Variants in WWOX observed in about 807,000 individuals in gnomAD.
The protein encoded by WWOX is WW domain containing oxidoreductase, also known as WW domain-containing oxidoreductase.
Under a neutral mutation model 46.2 loss-of-function variants are expected in WWOX, and 69 were observed. That is an observed-to-expected ratio of 1.49 (90% CI 1.23 to 1.82). The LOEUF (loss-of-function observed/expected upper bound fraction) is 1.82. Among genes scored for constraint, WWOX ranks in the 40% most tolerant of loss-of-function variants. The pLI is 0.00. For synonymous variants in WWOX, 359 were observed against 202.6 expected, an observed-to-expected ratio of 1.77 and a Z score of -6.56; for missense variants, 919 against 542.6, an observed-to-expected ratio of 1.69 and a Z score of -6.89.
chr16:79,204,061 C>G (rs931132234), intron 8 of WWOX: 1 of 152,122 alleles, frequency 6.6e-6, no homozygotes, highest in African/African-American at 2.4e-5. Flanking sequence ...ACGACACTAT[C>G]AGTTAGATGC....
chr16:78,311,203 G>T (rs1044306563), intron 5 of WWOX, among the ~76,000 whole-genome samples: 7 of 152,152 alleles, frequency 4.6e-5, no homozygotes, highest in Non-Finnish European at 8.8e-5. Flanking sequence ...TGTCTAGGTG[G>T]CACAGTGTGG....
intron 8 of WWOX, among the ~76,000 whole-genome samples, chr16:78,934,960 T>TA (rs2045705355): frequency 6.6e-6 from 1 of 152,060 alleles, no homozygotes; most frequent in African/African-American, 2.4e-5. Flanking sequence ...ATTAGACACT[T>TA]TTCAAAAGAA....
rs147673606 is a variant in WWOX, at chr16:78,402,073, T to G, written c.605+15125T>G. Among the ~76,000 whole-genome samples the G allele has an allele frequency of 3.0e-3, 456 of 152,340 alleles. 2 individuals are homozygous for G. The highest frequency in any genetic ancestry group is 0.01 in the African/African-American group (428 of 41,578). ...CAAAGTTACGTTACCATTACCACTTTTGAATTGCAGAACAATTTCATCACT... is the reference window on the plus strand; with the variant it reads ...CAAAGTTACGTTACCATTACCACTTGTGAATTGCAGAACAATTTCATCACT... On this transcript the variant is annotated intron_variant, in intron 6 of 8. Transcript: ENST00000566780.
intron 8 of WWOX, among the ~76,000 whole-genome samples, chr16:79,044,375 A>G (rs576069641): frequency 6.6e-6 from 1 of 152,136 alleles, no homozygotes; most frequent in African/African-American, 2.4e-5. Flanking sequence ...TGATTGGGTC[A>G]TGGGGGTGGA....
chr16:78,170,942 G>T (rs1414345936), intron 5 of WWOX, among the ~76,000 whole-genome samples: 2 of 152,248 alleles, frequency 1.3e-5, no homozygotes, highest in Non-Finnish European at 2.9e-5. Context: ...TGCTGCTGAA[G>T]TGCTGTAATG....
chr16:78,452,878 T>TATATATATAC (rs752791786), intron 8 of WWOX, among the ~76,000 whole-genome samples: 1 of 143,020 alleles, frequency 7.0e-6, no homozygotes, highest in Non-Finnish European at 1.5e-5. Context: ...TATATATATA[T>TATATATATAC]ATACATATTT....
intron 5 of WWOX, among the ~76,000 whole-genome samples, chr16:78,374,749 A>C (rs948243034): frequency 5.9e-5 from 9 of 151,620 alleles, no homozygotes; most frequent in Non-Finnish European, 1.2e-4. Context: ...ATGGGGTTTC[A>C]CCGTGTTAGC....
At chr16:78,849,429 C>G (rs368268312) in intron 8 of WWOX, among the ~76,000 whole-genome samples, 1 of 151,800 alleles carries the variant, frequency 6.6e-6, no homozygotes, top group East Asian at 1.9e-4. Context: ...AAAAAATTAG[C>G]CAGGCCTGGT....
chr16:79,096,956 G>A (rs1410018702), intron 8 of WWOX, among the ~76,000 whole-genome samples: 1 of 152,050 alleles, frequency 6.6e-6, no homozygotes. Flanking sequence ...TTGGGGAGGG[G>A]GCCAGGAAGA....
At chr16:78,838,792 C>G (rs980024257) in intron 8 of WWOX, among the ~76,000 whole-genome samples, 1 of 152,068 alleles carries the variant, frequency 6.6e-6, no homozygotes, top group Non-Finnish European at 1.5e-5. Context: ...GCAGTGAGCC[C>G]AGATCGTGCC....
intron 8 of WWOX, among the ~76,000 whole-genome samples, chr16:78,804,082 C>A (rs146844683): frequency 3.5e-4 from 53 of 152,286 alleles, no homozygotes; most frequent in African/African-American, 1.1e-3. Context: ...TCATTCCCAA[C>A]CAAGTTTGAC....
chr16:78,547,549 A>T (rs2044070669), intron 8 of WWOX, among the ~76,000 whole-genome samples: 1 of 152,166 alleles, frequency 6.6e-6, no homozygotes, highest in Non-Finnish European at 1.5e-5. Flanking sequence ...CTTGTGCTTT[A>T]GTCTGTCCTG....
chr16:78,171,650 A>G (rs1237876292), intron 5 of WWOX, among the ~76,000 whole-genome samples: 1 of 152,200 alleles, frequency 6.6e-6, no homozygotes, highest in Admixed American at 6.5e-5. Context: ...AATATTATTA[A>G]TAGTTGTAGA....
intron 5 of WWOX, among the ~76,000 whole-genome samples, chr16:78,196,159 G>T (rs2036044413): frequency 6.6e-6 from 1 of 152,112 alleles, no homozygotes. Flanking sequence ...TACCTTTAAG[G>T]AAGAAAAGTT....
At chr16:78,472,940 A>AGCAAACTAG (rs1045454661) in intron 8 of WWOX, among the ~76,000 whole-genome samples, 7 of 152,152 alleles carry the variant, frequency 4.6e-5, no homozygotes, top group Admixed American at 2.0e-4. Context: ...CACGGGAAAA[A>AGCAAACTAG]GCAAACTAGG....
At chr16:78,170,315 C>T (rs1163417607) in intron 5 of WWOX, among the ~76,000 whole-genome samples, 1 of 152,170 alleles carries the variant, frequency 6.6e-6, no homozygotes, top group African/African-American at 2.4e-5. Flanking sequence ...AAATGCACAT[C>T]ATAATATCTC....
At chr16:79,137,789 T>A (rs1259522069) in intron 8 of WWOX, among the ~76,000 whole-genome samples, 18 of 152,112 alleles carry the variant, frequency 1.2e-4, no homozygotes, top group Non-Finnish European at 1.5e-5. Flanking sequence ...TTCTTCCTTG[T>A]ATCCTTAATG....
chr16:78,797,358 TAAAAAAAAAA>T (rs57291441), intron 8 of WWOX, among the ~76,000 whole-genome samples: 2 of 116,620 alleles, frequency 1.7e-5, no homozygotes, highest in East Asian at 2.8e-4. Flanking sequence ...GTCAAAGTGG[TAAAAAAAAAA>T]AAAAAAAAAA....
chr16:78,849,226 G>T (rs969404531), intron 8 of WWOX, among the ~76,000 whole-genome samples: 1 of 152,168 alleles, frequency 6.6e-6, no homozygotes, highest in African/African-American at 2.4e-5. Flanking sequence ...TGGGCATGTT[G>T]CTACAGAGTC....
Sources: allele counts gnomAD v4.1 joint callset (sites outside exome capture counted in the v4.1 genomes callset), GRCh38; gene constraint gnomAD v4.1.1; transcripts MANE v1.5; gene names NCBI Gene and HGNC (gene_info 2026-07-23, HGNC 2026-07-21).